Variants in EXOC6B observed in about 807,000 individuals in gnomAD.
EXOC6B encodes SEC15 homolog B.
A neutral mutation model predicts 113.5 loss-of-function variants in EXOC6B; 54 were observed. The observed-to-expected ratio is 0.48, with a 90% CI of 0.38 to 0.60. EXOC6B has a LOEUF of 0.60. Ranked by LOEUF, EXOC6B falls within the 20% of genes least tolerant of loss-of-function variation. EXOC6B has a pLI of 0.00. For missense variants in EXOC6B, 797 were observed against 977.5 expected (o/e 0.82, Z 2.46); for synonymous variants, 357 against 339.0 (o/e 1.05, Z -0.58).
intron 6 of EXOC6B, among the ~76,000 whole-genome samples, chr2:72,616,555 G>A (rs1671397773): frequency 6.6e-6 from 1 of 152,202 alleles, no homozygotes; most frequent in African/African-American, 2.4e-5. Flanking sequence ...AACAAGTCAC[G>A]TCTTACATGG....
At chr2:72,429,037 A>G (rs1156957653) in intron 18 of EXOC6B, among the ~76,000 whole-genome samples, 2 of 152,236 alleles carry the variant, frequency 1.3e-5, no homozygotes, top group African/African-American at 2.4e-5. Flanking sequence ...AAGTGATGTA[A>G]GACAATTTCA....
chr2:72,591,522 C>T (rs1195734420), intron 6 of EXOC6B, among the ~76,000 whole-genome samples: 1 of 152,086 alleles, frequency 6.6e-6, no homozygotes, highest in Non-Finnish European at 1.5e-5. Context: ...AAAATGACAG[C>T]AAAACGGCTC....
intron 1 of EXOC6B, among the ~76,000 whole-genome samples, chr2:72,775,434 C>T (rs1558992101): frequency 6.6e-6 from 1 of 152,132 alleles, no homozygotes. Context: ...AAATTCCATG[C>T]AGTTTAGGAA....
At chr2:72,237,289 C>A (rs1387691562) in intron 20 of EXOC6B, among the ~76,000 whole-genome samples, 1 of 152,182 alleles carries the variant, frequency 6.6e-6, no homozygotes, top group Non-Finnish European at 1.5e-5. Flanking sequence ...TGACAGGTAT[C>A]TGGTCACTGG....
chr2:72,678,628 C>G (rs778489472), intron 6 of EXOC6B, among the ~76,000 whole-genome samples: 1 of 152,142 alleles, frequency 6.6e-6, no homozygotes, highest in African/African-American at 2.4e-5. Context: ...ATTGCTTGAG[C>G]CCAGGAGGCA....
chr2:72,520,644 T>C (rs776532346), intron 8 of EXOC6B, among the ~76,000 whole-genome samples: 3 of 152,222 alleles, frequency 2.0e-5, no homozygotes, highest in Non-Finnish European at 2.9e-5. Context: ...AACATCATTA[T>C]GGAAGTGGCA....
At chr2:72,280,730 G>C (rs1278848002) in intron 20 of EXOC6B, among the ~76,000 whole-genome samples, 3 of 152,024 alleles carry the variant, frequency 2.0e-5, no homozygotes, top group Non-Finnish European at 2.9e-5. Flanking sequence ...CAGGACTTGA[G>C]GATACAAGAT....
chr2:72,412,237 C>G (rs1694232138), intron 18 of EXOC6B, among the ~76,000 whole-genome samples: 1 of 152,022 alleles, frequency 6.6e-6, no homozygotes, highest in Non-Finnish European at 1.5e-5. Flanking sequence ...CAAGAGGCTA[C>G]AAAACAATGA....
At chr2:72,209,223 CAAAAAA>C (rs1170760516) in intron 20 of EXOC6B, among the ~76,000 whole-genome samples, 1 of 57,104 alleles carries the variant, frequency 1.8e-5, no homozygotes, top group Non-Finnish European at 3.3e-5. Flanking sequence ...AACTCAGTCT[CAAAAAA>C]AAAAAAAAAA....
chr2:72,272,820 G>C (rs1490701447), intron 20 of EXOC6B, among the ~76,000 whole-genome samples: 1 of 152,134 alleles, frequency 6.6e-6, no homozygotes, highest in Non-Finnish European at 1.5e-5. Context: ...GCCATTGCTT[G>C]GGTCTTACTA....
intron 18 of EXOC6B, among the ~76,000 whole-genome samples, chr2:72,417,446 C>T (rs1261149927): frequency 6.6e-6 from 1 of 152,174 alleles, no homozygotes; most frequent in Non-Finnish European, 1.5e-5. Flanking sequence ...GCATGAGCCA[C>T]CATGCCTGGC....
intron 6 of EXOC6B, among the ~76,000 whole-genome samples, chr2:72,682,471 A>G (rs1249034130): frequency 6.6e-6 from 1 of 152,044 alleles, no homozygotes; most frequent in Non-Finnish European, 1.5e-5. Context: ...ACCTTTTTTT[A>G]AATTCCCATC....
At chr2:72,371,210 G>A (rs1690992185) in intron 19 of EXOC6B, among the ~76,000 whole-genome samples, 2 of 151,820 alleles carry the variant, frequency 1.3e-5, no homozygotes, top group South Asian at 4.2e-4. Flanking sequence ...ATAATAAAAA[G>A]TCTCCCAGTA....
At chr2:72,584,848 CAAG>C (rs1271246936) in intron 6 of EXOC6B, among the ~76,000 whole-genome samples, 2 of 152,114 alleles carry the variant, frequency 1.3e-5, no homozygotes, top group East Asian at 1.9e-4. Flanking sequence ...AAATCAATAC[CAAG>C]AAGATCTCCC....
intron 6 of EXOC6B, among the ~76,000 whole-genome samples, chr2:72,706,899 G>A (rs977107365): frequency 1.3e-5 from 2 of 152,164 alleles, no homozygotes; most frequent in Non-Finnish European, 1.5e-5. Context: ...TTTGTGCTTG[G>A]AGCCCATAAG....
intron 1 of EXOC6B, among the ~76,000 whole-genome samples, chr2:72,805,513 A>G (rs942179526): frequency 9.9e-5 from 15 of 152,194 alleles, no homozygotes; most frequent in Non-Finnish European, 1.9e-4. Flanking sequence ...AGGCATAATC[A>G]ACAAATGAAA....
At chr2:72,301,332 G>C (rs912297614) in intron 20 of EXOC6B, among the ~76,000 whole-genome samples, 1 of 152,196 alleles carries the variant, frequency 6.6e-6, no homozygotes, top group African/African-American at 2.4e-5. Flanking sequence ...GTCTCTGCCA[G>C]GTTTTGGTAT....
At chr2:72,526,520 C>T (rs1701752175) in intron 8 of EXOC6B, among the ~76,000 whole-genome samples, 1 of 151,914 alleles carries the variant, frequency 6.6e-6, no homozygotes, top group Non-Finnish European at 1.5e-5. Flanking sequence ...ATCTCAAAAT[C>T]ACATTTGCTA....
chr2:72,286,984 T>C (rs1018036375), intron 20 of EXOC6B, among the ~76,000 whole-genome samples: 1 of 151,936 alleles, frequency 6.6e-6, no homozygotes, highest in Non-Finnish European at 1.5e-5. Context: ...TAAAAATGTG[T>C]CTCAGGAAAA....
Sources: allele counts gnomAD v4.1 joint callset (sites outside exome capture counted in the v4.1 genomes callset), GRCh38; gene constraint gnomAD v4.1.1; transcripts MANE v1.5; gene names NCBI Gene and HGNC (gene_info 2026-07-23, HGNC 2026-07-21).